CSE1L: variants seen among roughly 807,000 people sequenced by gnomAD.
CSE1L encodes the protein exportin-2.
CSE1L carries 24 observed loss-of-function variants against 120.4 expected under a neutral mutation model. The observed-to-expected ratio is 0.20, with a 90% CI of 0.14 to 0.28. CSE1L has a LOEUF of 0.28. CSE1L is among the 10% of genes least tolerant of loss of function. The pLI, the probability that CSE1L is intolerant of heterozygous loss-of-function variation, is 1.00. For missense variants in CSE1L, 830 were observed against 1,145.2 expected, an observed-to-expected ratio of 0.72 and a Z score of 3.97; for synonymous variants, 402 against 398.3, an observed-to-expected ratio of 1.01 and a Z score of -0.11.
intron 3 of CSE1L, 44 bp from the exon 4 acceptor site, chr20:49,066,148 A>G (rs1486997644): frequency 1.4e-6 from 2 of 1,475,616 alleles, no homozygotes; most frequent in Non-Finnish European, 1.9e-6. Context: ...GTGGACATGA[A>G]TGTGGATTTT....
At chr20:49,047,576 T>C (rs756676014) in intron 1 of CSE1L, among the ~76,000 whole-genome samples, 1,399 of 106,870 alleles carry the variant, frequency 0.013, 75 homozygotes, top group Non-Finnish European at 0.02. Context: ...TTTTTTTTTT[T>C]TTTTTTTTTT....
At chr20:49,090,630 G>GA in intron 19 of CSE1L, 112 bp from the exon 20 acceptor site, 1 of 786,778 alleles carries the variant, frequency 1.3e-6, no homozygotes, top group Non-Finnish European at 2.1e-6. Flanking sequence ...TAATTAAAGA[G>GA]AAAAGGATAG....
intron 8 of CSE1L, among the ~76,000 whole-genome samples, chr20:49,071,696 A>T (rs2091932697): frequency 2.0e-5 from 3 of 152,100 alleles, no homozygotes; most frequent in Non-Finnish European, 4.4e-5. Flanking sequence ...GGCTAGACTC[A>T]AAACTCCTGG....
intron 14 of CSE1L, among the ~76,000 whole-genome samples, chr20:49,080,650 A>G (rs1053066252): frequency 6.6e-6 from 1 of 151,712 alleles, no homozygotes; most frequent in Non-Finnish European, 1.5e-5. Context: ...CTAATTTTGT[A>G]TTTTTAGTAG....
chr20:49,072,650 T>C lies in CSE1L; in HGVS notation c.1019T>C (p.Leu340Pro). Residue 340 changes from leucine to proline, a missense_variant, in exon 10 of 25, where the codon CTG (leucine) becomes CCG (proline). Leu to Pro is a moderately conservative substitution (Grantham distance 98). This residue lies in a region of CSE1L where 543 missense variants were observed against 640.2 expected (regional missense o/e 0.85). Transcript: ENST00000262982. Reference protein sequence around the residue: ...YKNLFEDQNTLTSICEKVIVP... With the variant: ...YKNLFEDQNTPTSICEKVIVP... ...AATCTATTTGAGGACCAGAACACGC[T>C]GACAAGTATCTGTGAAAAGGTTATT... 6.2e-7 allele frequency: 1 copy of C among 1,613,806 alleles called. No individual in the cohort carries two copies. The highest frequency in any genetic ancestry group is 8.5e-7 in the Non-Finnish European group (1 of 1,179,946).
chr20:49,062,049 T>C (rs928162048), intron 2 of CSE1L, among the ~76,000 whole-genome samples: 1 of 152,196 alleles, frequency 6.6e-6, no homozygotes, highest in African/African-American at 2.4e-5. Flanking sequence ...TCAAACTCAC[T>C]TCCTGGATAT....
intron 1 of CSE1L, among the ~76,000 whole-genome samples, chr20:49,046,696 T>C (rs1427871430): frequency 6.6e-6 from 1 of 152,234 alleles, no homozygotes; most frequent in East Asian, 1.9e-4. Flanking sequence ...AGGCGCGGCC[T>C]AACGCGAGCC....
intron 15 of CSE1L, among the ~76,000 whole-genome samples, chr20:49,084,638 A>T (rs2092039172): frequency 6.6e-6 from 1 of 152,170 alleles, no homozygotes; most frequent in Non-Finnish European, 1.5e-5. Context: ...CTGAGATATG[A>T]CCTAACCGAA....
rs190995890 is a variant in CSE1L, at chr20:49,086,735, G to T, written c.1724-1274G>T. On this transcript the variant is annotated intron_variant, in intron 16 of 24. Transcript: ENST00000262982. The stretch of plus-strand genomic sequence containing the variant: ...ATTACTGTGTTTTTAGGGTATGTAA[G>T]AATACACAGTATGTAATACCTTCTC... Among the ~76,000 whole-genome samples the T allele has an allele frequency of 1.4e-4, 22 of 152,214 alleles. No individual in the cohort carries two copies. In the East Asian group the frequency reaches 4.3e-3, roughly 30 times the overall value.
intron 6 of CSE1L, among the ~76,000 whole-genome samples, chr20:49,068,289 G>A (rs1420491932): frequency 6.6e-6 from 1 of 152,056 alleles, no homozygotes; most frequent in African/African-American, 2.4e-5. Flanking sequence ...TTAAGTGACT[G>A]TATTATTTAA....
chr20:49,056,922 A>C (rs1242702880), intron 1 of CSE1L, among the ~76,000 whole-genome samples: 2 of 151,692 alleles, frequency 1.3e-5, no homozygotes, highest in Non-Finnish European at 2.9e-5. Flanking sequence ...GTAATTTTCA[A>C]GTGTACAATA....
intron 1 of CSE1L, among the ~76,000 whole-genome samples, chr20:49,053,524 A>G (rs2091784951): frequency 6.6e-6 from 1 of 151,544 alleles, no homozygotes; most frequent in Non-Finnish European, 1.5e-5. Flanking sequence ...AGGCATGGCT[A>G]ATTTTTAGTA....
intron 1 of CSE1L, among the ~76,000 whole-genome samples, chr20:49,050,569 AT>A (rs796356337): frequency 1.8e-3 from 248 of 141,514 alleles, no homozygotes; most frequent in Middle Eastern, 3.6e-3. Context: ...CGCCCGGCTA[AT>A]TTTTTTTTTT....
intron 3 of CSE1L, among the ~76,000 whole-genome samples, chr20:49,065,662 C>T (rs942544336): frequency 3.6e-5 from 5 of 138,854 alleles, no homozygotes; most frequent in Middle Eastern, 3.9e-3. Context: ...GGCACCATCT[C>T]GGCTCCCTGC....
In CSE1L at chr20:49,089,563, G is replaced by T; in HGVS notation, c.1998G>T (p.Val666=). Residue 666 remains valine, a synonymous_variant, in exon 19 of 25, where the codon GTG becomes GTT. Transcript: ENST00000262982. Reference sequence around the variant, plus strand: ...AATTTATTCCATACGTCTTTCAAGTGATGTCTTTGCTTCTGGAAACACACA... The same window carrying T: ...AATTTATTCCATACGTCTTTCAAGTTATGTCTTTGCTTCTGGAAACACACA... ...VQEFIPYVFQ[V]MSLLLETHKN... is the part of the protein sequence containing the mutation. 6.2e-7 allele frequency: 1 copy of T among 1,614,094 alleles called. No homozygotes were observed. The highest frequency in any genetic ancestry group is 8.5e-7 in the Non-Finnish European group (1 of 1,180,008).
intron 22 of CSE1L, among the ~76,000 whole-genome samples, chr20:49,092,528 T>C (rs572280551): frequency 1.3e-4 from 20 of 151,912 alleles, no homozygotes; most frequent in Middle Eastern, 3.5e-3. Context: ...CAGTGTTGTC[T>C]CCAGGAGCCT....
chr20:49,087,877 G>T, intron 16 of CSE1L, 132 bp from the exon 17 acceptor site: 1 of 582,814 alleles, frequency 1.7e-6, no homozygotes, highest in East Asian at 3.1e-5. Flanking sequence ...TAAATGTAGA[G>T]AGCTATCTCG....
At chr20:49,067,388 T>G (rs895191746) in intron 6 of CSE1L, 108 bp downstream of exon 6, 2 of 697,562 alleles carry the variant, frequency 2.9e-6, no homozygotes, top group Non-Finnish European at 4.5e-6. Context: ...AGATAATGTT[T>G]AGAGCATTTC....
At chr20:49,062,003 A>G (rs573777986) in intron 2 of CSE1L, among the ~76,000 whole-genome samples, 40 of 152,280 alleles carry the variant, frequency 2.6e-4, no homozygotes, top group African/African-American at 8.9e-4. Context: ...GAATATTGTG[A>G]TAAGTTGAAA....
Sources: allele counts gnomAD v4.1 joint callset (sites outside exome capture counted in the v4.1 genomes callset), GRCh38; gene constraint gnomAD v4.1.1; regional missense constraint gnomAD v4.1.1; transcripts MANE v1.5; gene names NCBI Gene and HGNC (gene_info 2026-07-23, HGNC 2026-07-21).